Variants in FER1L6 observed in about 807,000 individuals in gnomAD.
FER1L6 encodes fer-1 like family member 6, also known as fer-1-like protein 6.
FER1L6 carries 177 observed loss-of-function variants against 219.2 expected under a neutral mutation model. That is an observed-to-expected ratio of 0.81 (90% CI 0.71 to 0.91). FER1L6 has a LOEUF of 0.91. FER1L6 is among the 40% of genes least tolerant of loss of function. The pLI is 0.00. For missense variants in FER1L6, 2,153 were observed against 2,259.9 expected (o/e 0.95, Z 0.96); for synonymous variants, 768 against 824.3 (o/e 0.93, Z 1.17).
At chr8:123,876,051 A>G (rs1433273140) in intron 1 of FER1L6, among the ~76,000 whole-genome samples, 1 of 152,128 alleles carries the variant, frequency 6.6e-6, no homozygotes, top group Non-Finnish European at 1.5e-5. Context: ...GTTGCTCATT[A>G]TTTCACTCAG....
chr8:124,053,085 T>C (rs781182703), intron 22 of FER1L6, among the ~76,000 whole-genome samples: 11 of 152,160 alleles, frequency 7.2e-5, no homozygotes, highest in African/African-American at 9.7e-5. Flanking sequence ...GCTAACTGAA[T>C]TGGATTCAGT....
chr8:124,069,397 T>C lies in FER1L6; in HGVS notation c.3756T>C (p.Asp1252=). ...ATGAGGTAGTGGTAGATATAGAAGA[T>C]GGGCCAAAGAAGAAGAAAGACAAAA... ...KPDEVVVDIE[D]GPKKKKDKML... The change falls in exon 29 of 41, where the codon GAT becomes GAC. Residue 1252 remains aspartate, a synonymous_variant. Coordinates refer to ENST00000522917, the MANE Select transcript of FER1L6 (RefSeq NM_001039112.2). 1 of 1,612,734 alleles carries C rather than the reference T, an allele frequency of 6.2e-7. No homozygotes were observed. The highest frequency in any genetic ancestry group is 8.5e-7 in the Non-Finnish European group (1 of 1,179,602).
At chr8:123,923,763 A>C (rs57615673) in intron 1 of FER1L6, among the ~76,000 whole-genome samples, 68,164 of 151,416 alleles carry the variant, frequency 0.45, 15,489 homozygotes, top group South Asian at 0.53. Flanking sequence ...CCTAACTAAC[A>C]CCATCTCTAC....
intron 10 of FER1L6, among the ~76,000 whole-genome samples, chr8:123,979,473 A>G (rs57149173): frequency 6.6e-6 from 1 of 152,156 alleles, no homozygotes; most frequent in East Asian, 1.9e-4. Context: ...CAGCTTGAAC[A>G]TGACAGAGCT....
At chr8:123,981,741 T>C (rs1268420690) in intron 11 of FER1L6, among the ~76,000 whole-genome samples, 7 of 152,026 alleles carry the variant, frequency 4.6e-5, no homozygotes, top group Admixed American at 2.6e-4. Flanking sequence ...ATCTTGGGGT[T>C]GGTTGTAGTT....
At chr8:124,103,481 C>A (rs559754108) in intron 39 of FER1L6, among the ~76,000 whole-genome samples, 172 bp downstream of exon 39, 3 of 152,182 alleles carry the variant, frequency 2.0e-5, no homozygotes, top group Non-Finnish European at 4.4e-5. Flanking sequence ...TGCAAGAAGA[C>A]TTAGCTATCT....
intron 35 of FER1L6, among the ~76,000 whole-genome samples, chr8:124,096,370 T>C (rs1822288077): frequency 1.3e-5 from 2 of 152,336 alleles, no homozygotes; most frequent in Admixed American, 6.5e-5. Flanking sequence ...CATTATTTTC[T>C]AGCCAAAGGC....
intron 8 of FER1L6, 100 bp downstream of exon 8, chr8:123,975,406 T>C: frequency 8.5e-7 from 1 of 1,169,952 alleles, no homozygotes; most frequent in Non-Finnish European, 1.2e-6. Context: ...ATGAGAACCA[T>C]GCTTCTTCTC....
chr8:123,864,459 G>A (rs979032237), intron 1 of FER1L6, among the ~76,000 whole-genome samples: 5 of 150,600 alleles, frequency 3.3e-5, no homozygotes, highest in East Asian at 1.9e-4. Context: ...TATGTGTCTT[G>A]GAAAGTTGCT....
intron 1 of FER1L6, among the ~76,000 whole-genome samples, chr8:123,903,636 G>A (rs1420114084): frequency 1.3e-5 from 2 of 151,890 alleles, no homozygotes; most frequent in African/African-American, 2.4e-5. Context: ...TTTCCTAAAT[G>A]GGAAATGATC....
chr8:123,935,899 G>T lies in FER1L6; in HGVS notation c.-7-20093G>T, dbSNP rs186167308. Reference sequence around the variant, plus strand: ...CGCACAGTAAGGGGGACCAACAGAAGGAAAATGGAGAAAGTGATGAGTTTA... The same window carrying T: ...CGCACAGTAAGGGGGACCAACAGAATGAAAATGGAGAAAGTGATGAGTTTA... On this transcript the variant is annotated intron_variant, in intron 1 of 40. Transcript: ENST00000522917. Among the ~76,000 whole-genome samples the T allele has an allele frequency of 9.0e-3, 1,349 of 150,460 alleles. 20 individuals are homozygous for T. The highest frequency in any genetic ancestry group is 0.021 in the Middle Eastern group (6 of 292).
At chr8:123,947,001 A>G (rs1054259791) in intron 1 of FER1L6, among the ~76,000 whole-genome samples, 2 of 152,056 alleles carry the variant, frequency 1.3e-5, no homozygotes, top group African/African-American at 4.8e-5. Context: ...ATAGCCAACC[A>G]ATAAAAGGTA....
intron 1 of FER1L6, among the ~76,000 whole-genome samples, chr8:123,894,324 G>T (rs893095973): frequency 6.6e-6 from 1 of 151,910 alleles, no homozygotes; most frequent in South Asian, 2.1e-4. Context: ...ATTTTAGTTG[G>T]TCAGGAAGAT....
At chr8:124,085,585 T>C (rs1821747149) in intron 33 of FER1L6, among the ~76,000 whole-genome samples, 1 of 151,834 alleles carries the variant, frequency 6.6e-6, no homozygotes, top group Non-Finnish European at 1.5e-5. Context: ...CCAGAGAAGA[T>C]ACTTAATATA....
intron 13 of FER1L6, among the ~76,000 whole-genome samples, chr8:124,008,040 A>C (rs1166474173): frequency 6.6e-6 from 1 of 152,130 alleles, no homozygotes; most frequent in Non-Finnish European, 1.5e-5. Flanking sequence ...TGCACCCATC[A>C]CCTGAGCAGT....
chr8:123,967,576 C>T (rs1815609877), intron 5 of FER1L6, among the ~76,000 whole-genome samples: 1 of 152,192 alleles, frequency 6.6e-6, no homozygotes, highest in Non-Finnish European at 1.5e-5. Flanking sequence ...ACAATTTATA[C>T]TCAAATGAAC....
At chr8:124,031,867 G>C (rs1818981365) in intron 18 of FER1L6, among the ~76,000 whole-genome samples, 1 of 152,184 alleles carries the variant, frequency 6.6e-6, no homozygotes, top group Admixed American at 6.5e-5. Context: ...AAAGCACCTA[G>C]GAAGGTGCTC....
chr8:124,031,664 T>C (rs890441303), intron 18 of FER1L6, among the ~76,000 whole-genome samples: 8 of 152,146 alleles, frequency 5.3e-5, no homozygotes, highest in African/African-American at 1.9e-4. Flanking sequence ...GGAAGAGAGA[T>C]TCTAGTTTCT....
chr8:123,969,966 C>T (rs1218672316), intron 5 of FER1L6, 69 bp from the exon 6 acceptor site: 12 of 1,225,972 alleles, frequency 9.8e-6, no homozygotes, highest in Admixed American at 5.1e-5. Context: ...GATCTAAATC[C>T]ACTCCAAGGA....
Sources: gnomAD v4.1 joint callset for allele counts (sites outside exome capture counted in the v4.1 genomes callset) on GRCh38, gnomAD v4.1.1 for gene constraint, MANE v1.5 for transcripts, NCBI Gene and HGNC (gene_info 2026-07-23, HGNC 2026-07-21) for gene names.